B4GALNT4: variants seen among roughly 807,000 people sequenced by gnomAD.
B4GALNT4 encodes the protein N-acetyl-beta-glucosaminyl-glycoprotein 4-beta-N-acetylgalactosaminyltransferase 1.
Under a neutral mutation model 110.0 loss-of-function variants are expected in B4GALNT4, and 77 were observed. The observed-to-expected ratio is 0.70, with a 90% CI of 0.58 to 0.85. The LOEUF (loss-of-function observed/expected upper bound fraction) is 0.85, where lower values mean the gene tolerates loss of function less well. Ranked by LOEUF, B4GALNT4 falls within the 40% of genes least tolerant of loss-of-function variation. The pLI, the probability that B4GALNT4 is intolerant of heterozygous loss-of-function variation, is 0.00. For missense variants in B4GALNT4, 1,575 were observed against 1,506.0 expected (o/e 1.05, Z -0.76); for synonymous variants, 785 against 655.5 (o/e 1.20, Z -3.02).
chr11:375,539 C>T lies in B4GALNT4; in HGVS notation c.850+12C>T, dbSNP rs1261238343. On this transcript the variant is annotated intron_variant, in intron 9 of 19. Transcript: ENST00000329962. ...CTCCCTGTACACAGGTGCGAGCGGACGCCTCTGGGGATGTGGGGCTCCTCG... is the reference window on the plus strand; with the variant it reads ...CTCCCTGTACACAGGTGCGAGCGGATGCCTCTGGGGATGTGGGGCTCCTCG... 1.9e-6 allele frequency: 3 copies of T among 1,609,342 alleles called. No homozygotes were observed. The highest frequency in any genetic ancestry group is 2.2e-5 in the East Asian group (1 of 44,852).
At chr11:380,493 C>T (rs559471181) in intron 18 of B4GALNT4, 48 bp downstream of exon 18, 155 of 1,540,120 alleles carry the variant, frequency 1.0e-4, no homozygotes, top group Non-Finnish European at 1.3e-4. Context: ...TCCCACCAAC[C>T]GCCGCGGTAA....
chr11:377,127 G>A lies in B4GALNT4; in HGVS notation c.2004G>A (p.Ala668=). The stretch of plus-strand genomic sequence containing the variant: ...CGTCGGAGGACAGCGAGGAGGCCGC[G>A]GGCCCGGCGCTCGGACGCTGGCGTG... ...EAASEDSEEA[A]GPALGRWRED... The change falls in exon 14 of 20, where the codon GCG becomes GCA. Residue 668 remains alanine (A), a synonymous_variant. Transcript: ENST00000329962. The A allele has an allele frequency of 6.6e-7, 1 of 1,505,702 alleles. No individual in the cohort carries two copies. Among genetic ancestry groups the A allele is most frequent in the Non-Finnish European group, 8.9e-7 (1 of 1,128,278 alleles). 93.3% of individuals were successfully genotyped at this position (1,505,702 alleles called of 1,614,324 possible).
chr11:375,519 T>G lies in B4GALNT4; in HGVS notation c.842T>G (p.Leu281Arg). 1 of 1,611,110 alleles carries G rather than the reference T, an allele frequency of 6.2e-7. No individual in the cohort carries two copies. The highest frequency in any genetic ancestry group is 8.5e-7 in the Non-Finnish European group (1 of 1,179,760). Residue 281 changes from leucine to arginine, a missense_variant, in exon 9 of 20, where the codon CTG (leucine) becomes CGG (arginine). Transcript: ENST00000329962. The stretch of plus-strand genomic sequence containing the variant: ...GTCATCAGCTCTGCTCACATCTCCC[T>G]GTACACAGGTGCGAGCGGACGCCTC... ...FEVISSAHISLYTDESALKMD... is the reference protein window; with the variant it reads ...FEVISSAHISRYTDESALKMD...
rs1249576217 is a variant in B4GALNT4 at position 380,417 on chromosome 11, C to T, written c.2841C>T (p.Ser947=). The change falls in exon 18 of 20, where the codon AGC becomes AGT. Residue 947 remains serine, a synonymous_variant. Coordinates refer to ENST00000329962, the MANE Select transcript of B4GALNT4 (RefSeq NM_178537.5). ...TCGCGCCCGTGGTCATGCGCCTGAG[C>T]TGCGGGAGCTCGCCCCGGGACCCCC... ...LAFAPVVMRL[S]CGSSPRDPHG... 1.9e-6 allele frequency: 3 copies of T among 1,609,376 alleles called. No individual in the cohort carries two copies. Among genetic ancestry groups the T allele is most frequent in the South Asian group, 1.1e-5 (1 of 90,676 alleles).
At position 376,538 on chromosome 11, in the gene B4GALNT4, C is replaced by A; in HGVS notation, c.1415C>A (p.Ala472Asp). The A allele has an allele frequency of 7.2e-7, 1 of 1,397,976 alleles. No individual in the cohort carries two copies. Among genetic ancestry groups the A allele is most frequent in the South Asian group, 1.6e-5 (1 of 64,324 alleles). 86.6% of individuals were successfully genotyped at this position (1,397,976 alleles called of 1,614,324 possible). Residue 472 changes from alanine (A) to aspartate (D), a missense_variant, in exon 14 of 20, where the codon GCC becomes GAC. Coordinates refer to ENST00000329962, the MANE Select transcript of B4GALNT4 (RefSeq NM_178537.5). Reference sequence around the variant, plus strand: ...CCAGCAGCCCCCGCCCAGCCCGGAGCCACCCTCGCCCCGCCGACCCCTCCC... The same window carrying A: ...CCAGCAGCCCCCGCCCAGCCCGGAGACACCCTCGCCCCGCCGACCCCTCCC... ...PAPAAPAQPG[A>D]TLAPPTPPRP...
chr11:372,781 T>C (rs944099658), intron 3 of B4GALNT4, 27 bp downstream of exon 3: 7 of 586,740 alleles, frequency 1.2e-5, no homozygotes, highest in Non-Finnish European at 1.5e-5. Context: ...TGTAATGGGC[T>C]GGGAGGCAGG....
rs773683115 is a variant in B4GALNT4, at chr11:379,626, G to A, written c.2413G>A (p.Asp805Asn). 3 of 1,524,864 alleles carry A rather than the reference G, an allele frequency of 2.0e-6. No homozygotes were observed. Among genetic ancestry groups the A allele is most frequent in the South Asian group, 1.3e-5 (1 of 79,824 alleles). 94.5% of individuals were successfully genotyped at this position (1,524,864 alleles called of 1,614,324 possible). ...EPAPAASVRP[D>N]GRPELCRPLR... ...CGCTCCCGCCGCCTCCGTGCGCCCCGACGGCCGCCCCGAGCTCTGCCGGCC... is the reference window on the plus strand; with the variant it reads ...CGCTCCCGCCGCCTCCGTGCGCCCCAACGGCCGCCCCGAGCTCTGCCGGCC... The change falls in exon 15 of 20, where the codon GAC becomes AAC. Residue 805 changes from aspartate (D) to asparagine (N), a missense_variant. Asp to Asn is a conservative substitution (Grantham distance 23, BLOSUM62 1). Transcript: ENST00000329962.
chr11:376,180 C>T lies in B4GALNT4; in HGVS notation c.1196+6C>T, dbSNP rs1251150207. 10 of 1,204,476 alleles carry T rather than the reference C, an allele frequency of 8.3e-6. No homozygotes were observed. The East Asian group carries it at 2.4e-4, about 29-fold the overall frequency. 74.6% of individuals were successfully genotyped at this position (1,204,476 alleles called of 1,614,324 possible). A position where few individuals can be genotyped will look rare whatever the true frequency, so the allele number is the denominator to read the frequency against. ...TCTCCGCTGTATCTGGAGAGGTGGGCGCGCGGCCGGGCTAATGCGGGGCGG... is the reference window on the plus strand; with the variant it reads ...TCTCCGCTGTATCTGGAGAGGTGGGTGCGCGGCCGGGCTAATGCGGGGCGG... On this transcript the variant is annotated splice_donor_region_variant and intron_variant, in intron 12 of 19. Transcript: ENST00000329962.
At chr11:377,358 G>T in intron 14 of B4GALNT4, 31 bp downstream of exon 14, 2 of 1,469,198 alleles carry the variant, frequency 1.4e-6, no homozygotes, top group South Asian at 1.4e-5. Context: ...GCGCCAGGGC[G>T]GTTTTGGAGG....
intron 18 of B4GALNT4, 32 bp downstream of exon 18, chr11:380,477 C>T (rs1257662786): frequency 1.3e-6 from 2 of 1,557,490 alleles, no homozygotes; most frequent in Non-Finnish European, 1.7e-6. Context: ...CCTGTGATAC[C>T]AGGGTTCCCA....
chr11:372,325 GAC>G (rs1366942590), intron 2 of B4GALNT4, 113 bp downstream of exon 2: 1 of 957,684 alleles, frequency 1.0e-6, no homozygotes, highest in Non-Finnish European at 1.6e-6. Flanking sequence ...GGGGGCATGA[GAC>G]ACAGGACATG....
chr11:375,582 G>C, intron 9 of B4GALNT4, 55 bp downstream of exon 9: 1 of 1,602,358 alleles, frequency 6.2e-7, no homozygotes, highest in Non-Finnish European at 8.5e-7. Flanking sequence ...CTCTGGGTGT[G>C]AGTGGGAAGA....
chr11:380,154 G>A lies in B4GALNT4; in HGVS notation c.2667G>A (p.Gly889=), dbSNP rs1414625760. The change falls in exon 17 of 20, where the codon GGG becomes GGA. Residue 889 remains glycine (G), a synonymous_variant. Coordinates refer to ENST00000329962, the MANE Select transcript of B4GALNT4 (RefSeq NM_178537.5). ...LPRYQYLRRT[G]NFERSAGLQA... ...GGTACCAGTACCTGAGACGAACCGG[G>A]AACTTCGAGCGCTCCGCCGGGCTGC... 3.7e-6 allele frequency: 6 copies of A among 1,604,256 alleles called. No individual in the cohort carries two copies. Among genetic ancestry groups the A allele is most frequent in the Admixed American group, 1.7e-5 (1 of 59,584 alleles).
intron 19 of B4GALNT4, chr11:381,221 C>T (rs1846869178): frequency 1.2e-6 from 1 of 841,766 alleles, no homozygotes; most frequent in African/African-American, 1.8e-5. Context: ...GCCCTGAGTC[C>T]CCATCATCCC....
At position 379,591 on chromosome 11, in the gene B4GALNT4, GTCCCGAA is replaced by G; in HGVS notation, c.2379_2385del (p.Glu795LeufsTer26). On this transcript the variant is annotated frameshift_variant, in exon 15 of 20. Coordinates refer to ENST00000329962, the MANE Select transcript of B4GALNT4 (RefSeq NM_178537.5). LOFTEE classifies it high-confidence loss of function. Reference sequence around the variant, plus strand: ...CGCGTAGGGGATGCAGACGGAGAAAGTCCCGAACCCGCTCCCGCCGCCTCCGTGCGCC... The same window carrying G: ...CGCGTAGGGGATGCAGACGGAGAAAGCCCGCTCCCGCCGCCTCCGTGCGCC... 1 of 1,578,292 alleles carries G rather than the reference GTCCCGAA, an allele frequency of 6.3e-7. No individual in the cohort carries two copies. Among genetic ancestry groups the G allele is most frequent in the Non-Finnish European group, 8.6e-7 (1 of 1,163,946 alleles).
At chr11:374,591 G>C (rs920391274) in intron 8 of B4GALNT4, among the ~76,000 whole-genome samples, 2 of 125,690 alleles carry the variant, frequency 1.6e-5, no homozygotes, top group Non-Finnish European at 3.4e-5. Context: ...GGGGTAGAGT[G>C]GGGGGGGCAT....
At chr11:379,793 GTTC>G in intron 15 of B4GALNT4, 70 bp from the exon 16 acceptor site, 3 of 1,517,840 alleles carry the variant, frequency 2.0e-6, no homozygotes, top group Non-Finnish European at 2.6e-6. Flanking sequence ...CCGGGATGAA[GTTC>G]TTCGGAGCTG....
At chr11:377,422 C>G (rs1228048912) in intron 14 of B4GALNT4, 95 bp downstream of exon 14, 1 of 1,317,628 alleles carries the variant, frequency 7.6e-7, no homozygotes, top group Non-Finnish European at 9.9e-7. Context: ...TCAGACCTTC[C>G]CCAGGGCCCA....
In B4GALNT4 at chr11:374,278, G is replaced by A. The variant is rs141434692; in HGVS notation, c.783+450G>A. Among the ~76,000 whole-genome samples, 323 of 152,150 alleles carry A rather than the reference G, an allele frequency of 2.1e-3. 1 individual carries two copies. Among genetic ancestry groups the A allele is most frequent in the African/African-American group, 7.2e-3 (300 of 41,520 alleles). The stretch of plus-strand genomic sequence containing the variant: ...AGGAAAAAACCCCTGGCCACAAAGC[G>A]GAGAGAGCCTGGGGGAAGGATTTTT... On this transcript the variant is annotated intron_variant, in intron 8 of 19. Transcript: ENST00000329962.
Sources: allele counts gnomAD v4.1 joint callset (sites outside exome capture counted in the v4.1 genomes callset), GRCh38; gene constraint gnomAD v4.1.1; transcripts MANE v1.5; gene names NCBI Gene and HGNC (gene_info 2026-07-23, HGNC 2026-07-21).